CALN1: variants seen among roughly 807,000 people sequenced by gnomAD.
CALN1 encodes the protein calneuron 1.
A neutral mutation model predicts 30.6 loss-of-function variants in CALN1; 17 were observed. The ratio of observed to expected loss-of-function variants is 0.56; its 90% CI spans 0.38 to 0.83. CALN1 has a LOEUF of 0.83. Among genes scored for constraint, CALN1 ranks in the 40% least tolerant of loss-of-function variants. The pLI is 0.00. For synonymous variants in CALN1, 156 were observed against 131.4 expected (o/e 1.19, Z -1.28); for missense variants, 291 against 354.9 (o/e 0.82, Z 1.45).
At position 72,203,979 on chromosome 7, in the gene CALN1, C is replaced by CTCTA; in HGVS notation, c.244+74706_244+74707insTAGA. ...TAGCCTTCATATAAGAGGCCTCTCT[C>CTCTA]TTTTTTTTTTTTTTTTTTTTTTTTT... On this transcript the variant is annotated intron_variant, in intron 3 of 6. Coordinates refer to ENST00000395275, the MANE Select transcript of CALN1 (RefSeq NM_031468.4). 3.6e-5 allele frequency among the ~76,000 whole-genome samples: 3 copies of CTCTA among 83,778 alleles called. 1 individual carries two copies. Among genetic ancestry groups the CTCTA allele is most frequent in the South Asian group, 9.4e-4 (2 of 2,136 alleles). 55.0% of individuals were successfully genotyped at this position (83,778 alleles called of 152,430 possible).
intron 3 of CALN1, among the ~76,000 whole-genome samples, chr7:72,201,585 C>T (rs1052060605): frequency 8.1e-5 from 12 of 148,216 alleles, no homozygotes; most frequent in Middle Eastern, 3.5e-3. Context: ...GACTCCATTT[C>T]GGAAAAAAAA....
intron 5 of CALN1, among the ~76,000 whole-genome samples, chr7:71,843,410 G>T (rs1317490668): frequency 6.6e-6 from 1 of 152,058 alleles, no homozygotes; most frequent in Non-Finnish European, 1.5e-5. Context: ...CTTGAGCTCA[G>T]GACTTCAAGA....
In CALN1 at chr7:72,025,633, G is replaced by C. The variant is rs569538023; in HGVS notation, c.389-1864C>G. On this transcript the variant is annotated intron_variant, in intron 4 of 6. Coordinates refer to ENST00000395275, the MANE Select transcript of CALN1 (RefSeq NM_031468.4). Reference sequence around the variant, plus strand: ...TTCAAGGCATTGTTGGGTCCTCCAGGAGTCATCAGTGTAGCATTCTGCACC... The same window carrying C: ...TTCAAGGCATTGTTGGGTCCTCCAGCAGTCATCAGTGTAGCATTCTGCACC... Among the ~76,000 whole-genome samples, 4 of 152,198 alleles carry C rather than the reference G, an allele frequency of 2.6e-5. No individual in the cohort carries two copies. The South Asian group carries it at 8.3e-4, about 32-fold the overall frequency.
chr7:71,875,463 A>C (rs1215190905), intron 5 of CALN1, among the ~76,000 whole-genome samples: 1 of 152,204 alleles, frequency 6.6e-6, no homozygotes, highest in Admixed American at 6.5e-5. Context: ...CCAACTTTTG[A>C]TGGCACTGTG....
chr7:71,785,006 G>A lies in CALN1; in HGVS notation c.*2769C>T. ...CAAACTGTCCAAGCAAAGCAGCCAG[G>A]GTGCAAGTCACCGGGACAAACTCTG... On this transcript the variant is annotated 3_prime_UTR_variant, in exon 7 of 7. Coordinates refer to ENST00000395275, the MANE Select transcript of CALN1 (RefSeq NM_031468.4). The A allele has an allele frequency of 5.0e-6, 2 of 396,464 alleles. No individual in the cohort carries two copies. Among genetic ancestry groups the A allele is most frequent in the African/African-American group, 2.1e-5 (1 of 48,680 alleles). 24.6% of individuals were successfully genotyped at this position (396,464 alleles called of 1,614,324 possible).
intron 5 of CALN1, among the ~76,000 whole-genome samples, chr7:71,946,502 G>C (rs945985299): frequency 1.3e-5 from 2 of 151,814 alleles, no homozygotes; most frequent in African/African-American, 4.8e-5. Flanking sequence ...CGAGTAGCTA[G>C]GACTACAGGT....
intron 3 of CALN1, among the ~76,000 whole-genome samples, chr7:72,213,253 T>C (rs1223712389): frequency 6.6e-6 from 1 of 152,226 alleles, no homozygotes; most frequent in Non-Finnish European, 1.5e-5. Flanking sequence ...TCCGGGACAG[T>C]CCACTCTGGC....
At chr7:71,871,696 A>G (rs35182247) in intron 5 of CALN1, among the ~76,000 whole-genome samples, 37,414 of 151,200 alleles carry the variant, frequency 0.25, 4,942 homozygotes, top group African/African-American at 0.32. Context: ...CTCCTGGAAT[A>G]CTCTTCCATC....
chr7:71,927,385 T>C (rs1795323600), intron 5 of CALN1, among the ~76,000 whole-genome samples: 1 of 152,108 alleles, frequency 6.6e-6, no homozygotes. Context: ...AATTTTTCTA[T>C]TTTCAATACA....
chr7:72,142,611 A>G (rs1810034964), intron 3 of CALN1, among the ~76,000 whole-genome samples: 1 of 152,200 alleles, frequency 6.6e-6, no homozygotes, highest in Non-Finnish European at 1.5e-5. Flanking sequence ...CCAGTCTGAC[A>G]TCTTGGAAGA....
intron 4 of CALN1, among the ~76,000 whole-genome samples, chr7:72,037,324 G>C (rs901092312): frequency 6.6e-6 from 1 of 151,908 alleles, no homozygotes; most frequent in Non-Finnish European, 1.5e-5. Context: ...TAATTTTTTT[G>C]TATTTTTAGT....
At chr7:72,094,273 ATT>A (rs34777600) in intron 4 of CALN1, among the ~76,000 whole-genome samples, 2 of 150,940 alleles carry the variant, frequency 1.3e-5, no homozygotes, top group East Asian at 3.9e-4. Flanking sequence ...ACATACCAGA[ATT>A]TTTTTTTTAA....
intron 5 of CALN1, among the ~76,000 whole-genome samples, chr7:71,882,522 C>T (rs1792633791): frequency 6.6e-6 from 1 of 152,188 alleles, no homozygotes; most frequent in African/African-American, 2.4e-5. Flanking sequence ...TCTCTGAATA[C>T]CTGCGTTAGC....
intron 5 of CALN1, among the ~76,000 whole-genome samples, chr7:71,973,185 C>CT (rs1261025345): frequency 2.0e-5 from 3 of 151,548 alleles, no homozygotes; most frequent in Non-Finnish European, 4.4e-5. Flanking sequence ...TTTTTTTTCC[C>CT]TTTTTTTAAG....
At position 72,403,149 on chromosome 7, in the gene CALN1, C is replaced by T. The variant is rs1003220307; in HGVS notation, c.119+102G>A. ...CATTTCATAGATTCTCCTCTCCAGC[C>T]TAGACACGCAGCAGCGGCAAAGCCT... On this transcript the variant is annotated intron_variant, in intron 2 of 6. Transcript: ENST00000395275. 1.4e-4 allele frequency: 111 copies of T among 796,010 alleles called. No homozygotes were observed. In the Admixed American group the frequency reaches 2.9e-3, roughly 21 times the overall value. 49.3% of individuals were successfully genotyped at this position (796,010 alleles called of 1,614,324 possible).
At chr7:72,478,402 TA>T in the CALN1 span, among the ~76,000 whole-genome samples, 1,115 of 133,650 alleles carry the variant, frequency 8.3e-3, 14 homozygotes, top group African/African-American at 0.039. Flanking sequence ...AATATATATA[TA>T]TTTTTTCTTA....
chr7:71,835,037 G>T (rs1427501283), intron 5 of CALN1, among the ~76,000 whole-genome samples: 2 of 152,138 alleles, frequency 1.3e-5, no homozygotes, highest in Admixed American at 1.3e-4. Flanking sequence ...GTCTCACTAT[G>T]TTGTCTAGGC....
intron 2 of CALN1, among the ~76,000 whole-genome samples, chr7:72,327,396 G>A (rs1420707303): frequency 6.6e-6 from 1 of 152,220 alleles, no homozygotes; most frequent in African/African-American, 2.4e-5. Flanking sequence ...GGCTGACGCA[G>A]GGGAATCCCT....
chr7:72,253,998 A>T (rs1275912665), intron 3 of CALN1, among the ~76,000 whole-genome samples: 1 of 152,004 alleles, frequency 6.6e-6, no homozygotes, highest in Non-Finnish European at 1.5e-5. Flanking sequence ...ACCTCAGCCT[A>T]CCAAAGTGCT....
Sources: allele counts gnomAD v4.1 joint callset (sites outside exome capture counted in the v4.1 genomes callset), GRCh38; gene constraint gnomAD v4.1.1; transcripts MANE v1.5; gene names NCBI Gene and HGNC (gene_info 2026-07-23, HGNC 2026-07-21).